Variants in XXYLT1 observed in about 807,000 individuals in gnomAD.
XXYLT1 encodes UDP-xylose:alpha-xyloside alpha-1,3-xylosyltransferase.
XXYLT1 carries 20 observed loss-of-function variants against 28.9 expected under a neutral mutation model. That is an observed-to-expected ratio of 0.69 (90% CI 0.49 to 1.00). The LOEUF (loss-of-function observed/expected upper bound fraction) is 1.00, where lower values mean the gene tolerates loss of function less well. Ranked by LOEUF, XXYLT1 falls within the 50% of genes least tolerant of loss-of-function variation. The pLI, the probability that XXYLT1 is intolerant of heterozygous loss-of-function variation, is 0.00. For missense variants in XXYLT1, 542 were observed against 560.1 expected, an observed-to-expected ratio of 0.97 and a Z score of 0.33; for synonymous variants, 257 against 253.8, an observed-to-expected ratio of 1.01 and a Z score of -0.12.
chr3:195,205,800 T>C (rs1723046190), intron 2 of XXYLT1, among the ~76,000 whole-genome samples: 1 of 152,024 alleles, frequency 6.6e-6, no homozygotes, highest in Non-Finnish European at 1.5e-5. Context: ...GAGGTGAAGG[T>C]TGCAGTCAGC....
intron 3 of XXYLT1, among the ~76,000 whole-genome samples, chr3:195,127,223 A>G (rs535404094): frequency 6.6e-6 from 1 of 152,046 alleles, no homozygotes; most frequent in Admixed American, 6.6e-5. Flanking sequence ...AGGAAGGGAG[A>G]CACAGCAAAA....
In XXYLT1 at chr3:195,240,768, TC is replaced by T. The variant is rs1724740898; in HGVS notation, c.505-13913del. On this transcript the variant is annotated intron_variant, in intron 1 of 3. Transcript: ENST00000310380. The surrounding 1 kb of genome is among the most constrained non-coding windows in gnomAD (Gnocchi z 4.7). ...GGCACACTCTACCCAAGTCCAGCAATCCTGGTGCCCCTGCCAATGCTGAATC... is the reference window on the plus strand; with the variant it reads ...GGCACACTCTACCCAAGTCCAGCAATCTGGTGCCCCTGCCAATGCTGAATC... Among the ~76,000 whole-genome samples, 2 of 152,138 alleles carry T rather than the reference TC, an allele frequency of 1.3e-5. No homozygotes were observed. Among genetic ancestry groups the T allele is most frequent in the Non-Finnish European group, 2.9e-5 (2 of 68,034 alleles).
At chr3:195,220,960 T>C (rs1257620952) in intron 2 of XXYLT1, among the ~76,000 whole-genome samples, 1 of 152,204 alleles carries the variant, frequency 6.6e-6, no homozygotes, top group Non-Finnish European at 1.5e-5. Flanking sequence ...CAAACACGAC[T>C]TCAGCCCAGT....
rs534694502 is a variant in XXYLT1, at chr3:195,090,934, G to C, written c.786-20823C>G. On this transcript the variant is annotated intron_variant, in intron 3 of 3. Transcript: ENST00000310380. Reference sequence around the variant, plus strand: ...ATAAACTAGAAAACCTAGAAGAAATGGATAAATTCCTCGACGTATACACTC... The same window carrying C: ...ATAAACTAGAAAACCTAGAAGAAATCGATAAATTCCTCGACGTATACACTC... Among the ~76,000 whole-genome samples, 8 of 151,828 alleles carry C rather than the reference G, an allele frequency of 5.3e-5. 1 individual carries two copies. Among genetic ancestry groups the C allele is most frequent in the African/African-American group, 1.9e-4 (8 of 41,152 alleles).
rs1723258546 is a variant in XXYLT1, at chr3:195,210,312, C to T, written c.652+16397G>A. 6.6e-6 allele frequency among the ~76,000 whole-genome samples: 1 copy of T among 152,208 alleles called. No individual in the cohort carries two copies. Among genetic ancestry groups the T allele is most frequent in the Admixed American group, 6.5e-5 (1 of 15,280 alleles). On this transcript the variant is annotated intron_variant, in intron 2 of 3. Transcript: ENST00000310380. The surrounding 1 kb of genome is among the most constrained non-coding windows in gnomAD (Gnocchi z 4.8). ...TCGCCTCTTGCTCCCTGTGTGACACCCACTCACTTGGGGTCCCTCCACCAA... is the reference window on the plus strand; with the variant it reads ...TCGCCTCTTGCTCCCTGTGTGACACTCACTCACTTGGGGTCCCTCCACCAA...
At chr3:195,231,653 C>A (rs1404943742) in intron 1 of XXYLT1, among the ~76,000 whole-genome samples, 1 of 151,900 alleles carries the variant, frequency 6.6e-6, no homozygotes, top group Non-Finnish European at 1.5e-5. Context: ...ATGGTTTTTG[C>A]CCTTCATTTA....
chr3:195,197,205 G>C (rs1577134260), intron 2 of XXYLT1, among the ~76,000 whole-genome samples: 1 of 152,212 alleles, frequency 6.6e-6, no homozygotes, highest in African/African-American at 2.4e-5. Flanking sequence ...GGGAGGCCAA[G>C]GCCAGTGGAT....
intron 2 of XXYLT1, among the ~76,000 whole-genome samples, chr3:195,160,215 A>T (rs558218477): frequency 3.2e-4 from 49 of 152,338 alleles, no homozygotes; most frequent in African/African-American, 1.2e-3. Context: ...ATAGATCAAG[A>T]AACGATGCAA....
intron 3 of XXYLT1, among the ~76,000 whole-genome samples, chr3:195,102,737 G>A (rs997183401): frequency 3.3e-5 from 5 of 152,162 alleles, no homozygotes; most frequent in Non-Finnish European, 5.9e-5. Flanking sequence ...GGTTCTTTCC[G>A]TATCTTGGCT....
chr3:195,151,522 T>A (rs1449162856), intron 3 of XXYLT1, among the ~76,000 whole-genome samples: 10 of 152,006 alleles, frequency 6.6e-5, no homozygotes, highest in Admixed American at 5.2e-4. Flanking sequence ...AGAGAGAGAC[T>A]CTGTCTTTAA....
chr3:195,258,456 G>T (rs1725560123), intron 1 of XXYLT1, among the ~76,000 whole-genome samples: 1 of 152,182 alleles, frequency 6.6e-6, no homozygotes, highest in Non-Finnish European at 1.5e-5. Flanking sequence ...ATCAAAATTT[G>T]ACCAGAAATT....
chr3:195,222,906 T>C (rs974487583), intron 2 of XXYLT1, among the ~76,000 whole-genome samples: 11 of 152,024 alleles, frequency 7.2e-5, no homozygotes, highest in Non-Finnish European at 1.3e-4. Flanking sequence ...AAGCTACATG[T>C]TGGGAATATA....
intron 3 of XXYLT1, among the ~76,000 whole-genome samples, chr3:195,155,291 G>A (rs1186167088): frequency 1.3e-5 from 2 of 152,172 alleles, no homozygotes; most frequent in Admixed American, 6.5e-5. Flanking sequence ...GCTCTCCAAC[G>A]ACTGGGCCTC....
chr3:195,111,159 T>C (rs1378250844), intron 3 of XXYLT1, among the ~76,000 whole-genome samples: 2 of 152,050 alleles, frequency 1.3e-5, no homozygotes, highest in African/African-American at 4.8e-5. Context: ...ATCTTTGCTA[T>C]TCCTTAGCAC....
rs1400524614 is a variant in XXYLT1, at chr3:195,150,844, T to C, written c.785+5605A>G. On this transcript the variant is annotated intron_variant, in intron 3 of 3. Transcript: ENST00000310380. This position sits in a 1 kb window ranked among gnomAD's most constrained non-coding sequence, Gnocchi z 4.7. ...CACACTCACACATACGCACACTCTCTCACACACTCTCACACACACACACAC... is the reference window on the plus strand; with the variant it reads ...CACACTCACACATACGCACACTCTCCCACACACTCTCACACACACACACAC... Among the ~76,000 whole-genome samples the C allele has an allele frequency of 2.5e-4, 22 of 86,696 alleles. 1 individual carries two copies. The highest frequency in any genetic ancestry group is 1.1e-3 in the African/African-American group (19 of 18,072). 56.9% of individuals were successfully genotyped at this position (86,696 alleles called of 152,430 possible). A position where few individuals can be genotyped will look rare whatever the true frequency, so the allele number is the denominator to read the frequency against.
At chr3:195,214,547 C>G (rs1723474508) in intron 2 of XXYLT1, among the ~76,000 whole-genome samples, 1 of 152,186 alleles carries the variant, frequency 6.6e-6, no homozygotes, top group Admixed American at 6.5e-5. Context: ...GTCAGGATCT[C>G]AGAGGCTGGA....
At chr3:195,082,720 G>A (rs577051759) in intron 3 of XXYLT1, among the ~76,000 whole-genome samples, 73 of 152,078 alleles carry the variant, frequency 4.8e-4, no homozygotes, top group African/African-American at 1.6e-3. Flanking sequence ...GTGGTGGCGC[G>A]TGCCTATAAT....
In XXYLT1 at chr3:195,212,215, C is replaced by T. The variant is rs543496822; in HGVS notation, c.652+14494G>A. 3.9e-5 allele frequency among the ~76,000 whole-genome samples: 6 copies of T among 152,182 alleles called. No homozygotes were observed. The East Asian group carries it at 7.8e-4, about 20-fold the overall frequency. On this transcript the variant is annotated intron_variant, in intron 2 of 3. Coordinates refer to ENST00000310380, the MANE Select transcript of XXYLT1 (RefSeq NM_152531.5). ...TGGCCCAGGTGGAGGGAGCAGGAAG[C>T]GGGGGTGGCCACGGTAGGGTGAGTG...
chr3:195,136,995 A>G (rs909601335), intron 3 of XXYLT1, among the ~76,000 whole-genome samples: 3 of 152,182 alleles, frequency 2.0e-5, no homozygotes, highest in African/African-American at 7.2e-5. Context: ...CTAAAAGGAG[A>G]TGATTACACT....
Sources: gnomAD v4.1 joint callset for allele counts (sites outside exome capture counted in the v4.1 genomes callset) on GRCh38, gnomAD v4.1.1 for gene constraint, Gnocchi (gnomAD v3.1) non-coding constraint, MANE v1.5 for transcripts, NCBI Gene and HGNC (gene_info 2026-07-23, HGNC 2026-07-21) for gene names.